The following ANXA13 variants were observed in gnomAD, a reference collection of about 807,000 sequenced individuals.
The protein encoded by ANXA13 is annexin A13.
ANXA13 carries 36 observed loss-of-function variants against 46.6 expected under a neutral mutation model. The ratio of observed to expected loss-of-function variants is 0.77; its 90% confidence interval spans 0.59 to 1.02. The LOEUF is 1.02. Among genes scored for constraint, ANXA13 ranks in the 50% least tolerant of loss-of-function variants. The pLI is 0.00. For missense variants in ANXA13, 417 were observed against 396.5 expected (o/e 1.05, Z -0.44); for synonymous variants, 163 against 152.9 (o/e 1.07, Z -0.49).
At chr8:123,736,727 A>G (rs1456566503) in intron 1 of ANXA13, among the ~76,000 whole-genome samples, 2 of 152,108 alleles carry the variant, frequency 1.3e-5, no homozygotes, top group Non-Finnish European at 2.9e-5. Flanking sequence ...CATTCTACAG[A>G]TACATATTAA....
intron 6 of ANXA13, among the ~76,000 whole-genome samples, chr8:123,694,889 T>C (rs1813302170): frequency 6.6e-6 from 1 of 152,154 alleles, no homozygotes; most frequent in Non-Finnish European, 1.5e-5. Flanking sequence ...TGTTCTCTGC[T>C]GTCAGTGTAT....
chr8:123,736,259 TAGTG>T (rs1814265647), intron 1 of ANXA13, among the ~76,000 whole-genome samples: 2 of 152,350 alleles, frequency 1.3e-5, no homozygotes, highest in Admixed American at 6.5e-5. Context: ...TCTCTGCTCA[TAGTG>T]TGCATGAAAT....
chr8:123,688,617 T>G (rs1813180106), intron 9 of ANXA13, among the ~76,000 whole-genome samples: 1 of 152,186 alleles, frequency 6.6e-6, no homozygotes, highest in Non-Finnish European at 1.5e-5. Context: ...CAGTGTTACA[T>G]GACTGTTTGA....
chr8:123,695,321 A>G (rs1303272782), intron 6 of ANXA13, among the ~76,000 whole-genome samples, 181 bp downstream of exon 6: 2 of 152,188 alleles, frequency 1.3e-5, no homozygotes, highest in Non-Finnish European at 2.9e-5. Flanking sequence ...TATGGAAGTA[A>G]TTCCAATTGA....
intron 1 of ANXA13, chr8:123,735,822 T>C (rs746138751): frequency 6.2e-7 from 1 of 1,612,512 alleles, no homozygotes; most frequent in Non-Finnish European, 8.5e-7. Flanking sequence ...TGTCGAGGGT[T>C]GGGAGTCCCC....
Position 123,693,799 on chromosome 8 carries a change from G to A in ANXA13, c.472-20C>T. 6.2e-7 allele frequency: 1 copy of A among 1,606,592 alleles called. No homozygotes were observed. The highest frequency in any genetic ancestry group is 1.1e-5 in the South Asian group (1 of 90,318). ...ATTAGCCTAGAAAAATTGACACATT[G>A]TTATTAACTTGCATTCCTGCTTGAC... On this transcript the variant is annotated intron_variant, in intron 6 of 10. Transcript: ENST00000419625.
chr8:123,695,462 T>C (rs1813312302), intron 6 of ANXA13, 40 bp downstream of exon 6: 4 of 1,501,466 alleles, frequency 2.7e-6, no homozygotes, highest in Non-Finnish European at 3.7e-6. Flanking sequence ...AAGGATTCTT[T>C]CCTAAGATGA....
Position 123,698,386 on chromosome 8 carries a change from G to C in ANXA13, c.357+3C>G, listed in dbSNP as rs1200221960. On this transcript the variant is annotated splice_donor_region_variant and intron_variant, in intron 4 of 10. Coordinates refer to ENST00000419625, the MANE Select transcript of ANXA13 (RefSeq NM_004306.4). ...CTCCCTTGCGGGCTCAGCTGGGACT[G>C]ACCTTATTGGTCCTCGTGCACAGGA... is the stretch of plus-strand genomic sequence containing the variant. 2 of 1,613,882 alleles carry C rather than the reference G, an allele frequency of 1.2e-6. No individual in the cohort carries two copies. Among genetic ancestry groups the C allele is most frequent in the Admixed American group, 1.7e-5 (1 of 60,024 alleles).
intron 2 of ANXA13, among the ~76,000 whole-genome samples, chr8:123,705,261 C>T (rs915723544): frequency 9.2e-5 from 14 of 152,314 alleles, no homozygotes; most frequent in African/African-American, 2.2e-4. Flanking sequence ...GCCTTCACCC[C>T]GATACCAGGC....
chr8:123,681,195 T>C lies in ANXA13; in HGVS notation c.*45A>G, dbSNP rs368349500. ...GCAAGTTTGATTTGGAATGTGCTCT[T>C]GACAAAGGCGGTTCCACCCTGTGTT... On this transcript the variant is annotated 3_prime_UTR_variant, in exon 11 of 11. Coordinates refer to ENST00000419625, the MANE Select transcript of ANXA13 (RefSeq NM_004306.4). 1.9e-6 allele frequency: 3 copies of C among 1,556,404 alleles called. No individual in the cohort carries two copies. The African/African-American group carries it at 4.1e-5, about 21-fold the overall frequency.
intron 1 of ANXA13, among the ~76,000 whole-genome samples, chr8:123,721,215 C>G (rs1813865375): frequency 6.6e-6 from 1 of 152,220 alleles, no homozygotes; most frequent in Non-Finnish European, 1.5e-5. Flanking sequence ...TTTTTTGAGG[C>G]TGAATAATAT....
chr8:123,708,358 C>T (rs1813585918), intron 2 of ANXA13, among the ~76,000 whole-genome samples: 1 of 152,144 alleles, frequency 6.6e-6, no homozygotes, highest in Admixed American at 6.5e-5. Flanking sequence ...AAGGGGGCTC[C>T]AGACAGGGTG....
At chr8:123,724,002 T>A (rs959653073) in intron 1 of ANXA13, among the ~76,000 whole-genome samples, 1 of 152,162 alleles carries the variant, frequency 6.6e-6, no homozygotes, top group Non-Finnish European at 1.5e-5. Flanking sequence ...TGTATTAATG[T>A]CAGAGTCAGT....
chr8:123,708,500 A>C lies in ANXA13; in HGVS notation c.91+4178T>G, dbSNP rs554788933. On this transcript the variant is annotated intron_variant, in intron 2 of 10. Transcript: ENST00000419625. ...GGCTGCAGCCCCCGCTCTGGTGCTT[A>C]AGGGTCACTCTCTTCTGCTAGCACT... Among the ~76,000 whole-genome samples the C allele has an allele frequency of 9.2e-5, 14 of 152,260 alleles. No individual in the cohort carries two copies. The East Asian group carries it at 2.7e-3, about 29-fold the overall frequency.
intron 1 of ANXA13, among the ~76,000 whole-genome samples, chr8:123,732,315 C>T (rs1814133658): frequency 6.6e-6 from 1 of 152,136 alleles, no homozygotes. Context: ...TGCTTGGTGG[C>T]GTGAAGGACT....
At chr8:123,695,875 C>T (rs562455776) in intron 4 of ANXA13, among the ~76,000 whole-genome samples, 154 bp from the exon 5 acceptor site, 36 of 152,200 alleles carry the variant, frequency 2.4e-4, no homozygotes, top group African/African-American at 8.7e-4. Flanking sequence ...GGGCACACGC[C>T]TGGAGCGAGT....
Position 123,731,601 on chromosome 8 carries a change from G to T in ANXA13, c.15+5719C>A, listed in dbSNP as rs566494733. On this transcript the variant is annotated intron_variant, in intron 1 of 10. Coordinates refer to ENST00000419625, the MANE Select transcript of ANXA13 (RefSeq NM_004306.4). ...AACAGGTGGTTCTGTTGGGCACAGT[G>T]GCTCGCACCTGTAATCAATCCCAGC... is the stretch of plus-strand genomic sequence containing the variant. 4.6e-5 allele frequency among the ~76,000 whole-genome samples: 7 copies of T among 152,248 alleles called. No individual in the cohort carries two copies. In the East Asian group the frequency reaches 1.4e-3, roughly 29 times the overall value.
intron 1 of ANXA13, among the ~76,000 whole-genome samples, chr8:123,713,251 T>G (rs1215437544): frequency 6.6e-6 from 1 of 152,214 alleles, no homozygotes; most frequent in Admixed American, 6.5e-5. Context: ...TTGGAGATAC[T>G]GTAGGAACCA....
At chr8:123,708,962 C>G in intron 2 of ANXA13, among the ~76,000 whole-genome samples, 1 of 152,210 alleles carries the variant, frequency 6.6e-6, no homozygotes, top group East Asian at 1.9e-4. Context: ...CCCAGGTAAT[C>G]CAGGATAATC....
Sources: gnomAD v4.1 joint callset for allele counts (sites outside exome capture counted in the v4.1 genomes callset) on GRCh38, gnomAD v4.1.1 for gene constraint, MANE v1.5 for transcripts, NCBI Gene and HGNC (gene_info 2026-07-23, HGNC 2026-07-21) for gene names.